NAV1: variants seen among roughly 807,000 people sequenced by gnomAD.
The protein encoded by NAV1 is neuron navigator 1, also known as pore membrane and/or filament interacting like protein 3.
In NAV1, 18 loss-of-function variants were observed where a neutral mutation model predicts 175.2. The ratio of observed to expected loss-of-function variants is 0.10; its 90% CI spans 0.07 to 0.15. NAV1 has a LOEUF of 0.15. Among genes scored for constraint, NAV1 ranks in the 10% least tolerant of loss-of-function variants. The pLI is 1.00. For synonymous variants in NAV1, 897 were observed against 978.7 expected (o/e 0.92, Z 1.56); for missense variants, 1,731 against 2,436.6 (o/e 0.71, Z 6.10).
At chr1:201,720,726 A>G (rs1456704645) in intron 3 of NAV1, among the ~76,000 whole-genome samples, 1 of 152,242 alleles carries the variant, frequency 6.6e-6, no homozygotes, top group Non-Finnish European at 1.5e-5. Flanking sequence ...GGGTTAATAT[A>G]TGTAAAGTAC....
intron 1 of NAV1, among the ~76,000 whole-genome samples, chr1:201,684,764 T>A (rs555745037): frequency 6.6e-5 from 10 of 151,902 alleles, no homozygotes; most frequent in Non-Finnish European, 1.2e-4. Context: ...CGTGAGCCAC[T>A]GTGCCCAGCC....
At chr1:201,554,993 G>A (rs766751462) in intron 1 of NAV1, among the ~76,000 whole-genome samples, 17 of 152,050 alleles carry the variant, frequency 1.1e-4, no homozygotes, top group Non-Finnish European at 2.5e-4. Context: ...TGCCTTCACC[G>A]CTGCATGGCC....
chr1:201,584,365 CA>C (rs1404135320), intron 1 of NAV1, among the ~76,000 whole-genome samples: 1 of 152,144 alleles, frequency 6.6e-6, no homozygotes, highest in African/African-American at 2.4e-5. Flanking sequence ...GCTATAAAAA[CA>C]AAGAATCTGG....
At chr1:201,775,064 G>A (rs973870582) in intron 3 of NAV1, among the ~76,000 whole-genome samples, 1 of 152,190 alleles carries the variant, frequency 6.6e-6, no homozygotes, top group Non-Finnish European at 1.5e-5. Context: ...CTAAAAACAA[G>A]AGGACTGGTT....
chr1:201,702,228 G>T (rs1671456861), intron 1 of NAV1, among the ~76,000 whole-genome samples: 1 of 152,214 alleles, frequency 6.6e-6, no homozygotes, highest in Non-Finnish European at 1.5e-5. Context: ...GTTGGAGCAA[G>T]GGGAGAACAG....
intron 3 of NAV1, among the ~76,000 whole-genome samples, chr1:201,774,287 A>T (rs1415231406): frequency 6.6e-6 from 1 of 152,160 alleles, no homozygotes; most frequent in African/African-American, 2.4e-5. Context: ...TCTTTACTTT[A>T]TTCTTTTTGA....
At chr1:201,551,579 T>C (rs1200511555) in intron 1 of NAV1, among the ~76,000 whole-genome samples, 3 of 152,134 alleles carry the variant, frequency 2.0e-5, no homozygotes, top group Non-Finnish European at 4.4e-5. Flanking sequence ...ATCATGTCTG[T>C]TATACAAATG....
chr1:201,570,965 C>G (rs1024747091), intron 1 of NAV1, among the ~76,000 whole-genome samples: 1 of 152,256 alleles, frequency 6.6e-6, no homozygotes, highest in Non-Finnish European at 1.5e-5. Context: ...TGAGCTTCAT[C>G]GAATCTCAGC....
At chr1:201,702,693 TCTC>T (rs1671484616) in intron 1 of NAV1, among the ~76,000 whole-genome samples, 1 of 149,264 alleles carries the variant, frequency 6.7e-6, no homozygotes. Flanking sequence ...TCTCTCTCTC[TCTC>T]TCTCTCTCTC....
chr1:201,682,535 A>G (rs1412827030), intron 1 of NAV1, among the ~76,000 whole-genome samples: 1 of 152,048 alleles, frequency 6.6e-6, no homozygotes, highest in Non-Finnish European at 1.5e-5. Context: ...TCTACTACAT[A>G]TTGTAGTTCT....
chr1:201,574,227 A>G (rs1002361117), intron 1 of NAV1, among the ~76,000 whole-genome samples: 1 of 152,156 alleles, frequency 6.6e-6, no homozygotes, highest in African/African-American at 2.4e-5. Flanking sequence ...GTAATACACA[A>G]CTTTCTATAA....
intron 2 of NAV1, among the ~76,000 whole-genome samples, chr1:201,592,241 G>C (rs1667221228): frequency 6.6e-6 from 1 of 152,152 alleles, no homozygotes; most frequent in South Asian, 2.1e-4. Context: ...CCACCCATTT[G>C]CCATCAGCAA....
At chr1:201,551,246 T>C (rs2102453216) in intron 1 of NAV1, among the ~76,000 whole-genome samples, 1 of 152,200 alleles carries the variant, frequency 6.6e-6, no homozygotes, top group African/African-American at 2.4e-5. Context: ...TTTTTTTTCT[T>C]GAGAAAGGGT....
At chr1:201,570,623 C>A (rs1288093683) in intron 1 of NAV1, among the ~76,000 whole-genome samples, 1 of 152,250 alleles carries the variant, frequency 6.6e-6, no homozygotes, top group Non-Finnish European at 1.5e-5. Flanking sequence ...TACAGCCTGG[C>A]CTATACTGAA....
At chr1:201,658,997 G>T (rs2819377) in intron 1 of NAV1, among the ~76,000 whole-genome samples, 1 of 152,282 alleles carries the variant, frequency 6.6e-6, no homozygotes, top group Admixed American at 6.5e-5. Context: ...CATGCCCTGG[G>T]AATTGATTAG....
intron 2 of NAV1, among the ~76,000 whole-genome samples, chr1:201,592,119 T>C (rs548959): frequency 0.097 from 14,799 of 152,192 alleles, 957 homozygotes; most frequent in African/African-American, 0.17. Context: ...GCTTCTGTGG[T>C]GTGGGAAGCT....
At chr1:201,766,150 A>G (rs982652953) in intron 3 of NAV1, among the ~76,000 whole-genome samples, 1 of 152,144 alleles carries the variant, frequency 6.6e-6, no homozygotes, top group African/African-American at 2.4e-5. Context: ...CTTCTTGGTG[A>G]TTTTTACCCT....
At chr1:201,783,463 C>T (rs1162780376) in exon 7 of NAV1, 2 of 1,614,204 alleles carry the variant, frequency 1.2e-6, no homozygotes, top group Non-Finnish European at 1.7e-6. Flanking sequence ...ACAAGGTCAA[C>T]TCCAACAGTC....
At chr1:201,622,346 G>C (rs1010285642), upstream of NAV1, among the ~76,000 whole-genome samples, 9 of 152,238 alleles carry the variant, frequency 5.9e-5, no homozygotes, top group African/African-American at 2.2e-4. Context: ...AGCAGCATGT[G>C]GAAGAAGGTT....
Sources: gnomAD v4.1 joint callset for allele counts (sites outside exome capture counted in the v4.1 genomes callset) on GRCh38, gnomAD v4.1.1 for gene constraint, MANE v1.5 for transcripts, NCBI Gene and HGNC (gene_info 2026-07-23, HGNC 2026-07-21) for gene names.